The following SUSD4 variants were observed in gnomAD, a reference collection of about 807,000 sequenced individuals.
SUSD4 encodes sushi domain containing 4, also known as sushi domain-containing protein 4.
In SUSD4, 41 loss-of-function variants were observed where a neutral mutation model predicts 50.5. The observed-to-expected ratio is 0.81, with a 90% CI of 0.63 to 1.05. The LOEUF is 1.05. Among genes scored for constraint, SUSD4 ranks in the 50% least tolerant of loss-of-function variants. SUSD4 has a pLI of 0.00. For synonymous variants in SUSD4, 257 were observed against 257.3 expected, an observed-to-expected ratio of 1.00 and a Z score of 0.01; for missense variants, 580 against 634.7, an observed-to-expected ratio of 0.91 and a Z score of 0.93.
intron 5 of SUSD4, among the ~76,000 whole-genome samples, chr1:223,247,296 A>G (rs1332743691): frequency 6.6e-6 from 1 of 152,090 alleles, no homozygotes. Flanking sequence ...GATAACTACT[A>G]CTTTCACGCT....
Position 223,263,683 on chromosome 1 carries a change from G to A in SUSD4, c.724+947C>T, listed in dbSNP as rs373024140. 13 of 985,210 alleles carry A rather than the reference G, an allele frequency of 1.3e-5. No homozygotes were observed. In the East Asian group the frequency reaches 3.4e-4, roughly 26 times the overall value. The allele number at this position is 985,210 out of a possible 1,614,324, so 61.0% of individuals were successfully genotyped here. On this transcript the variant is annotated intron_variant, in intron 5 of 8. Coordinates refer to ENST00000366878, the MANE Select transcript of SUSD4 (RefSeq NM_017982.4). ...CCCACTCCACATCCCTAGAGAGGCC[G>A]TCTCTGATCCTTCTGAGCAATAGTC... is the stretch of plus-strand genomic sequence containing the variant.
chr1:223,358,338 A>G (rs1668782880), intron 2 of SUSD4, among the ~76,000 whole-genome samples: 1 of 152,200 alleles, frequency 6.6e-6, no homozygotes, highest in African/African-American at 2.4e-5. Flanking sequence ...TCGCAGAATC[A>G]AATATTAGTG....
chr1:223,287,399 A>G (rs1664216413), intron 3 of SUSD4, among the ~76,000 whole-genome samples: 2 of 152,168 alleles, frequency 1.3e-5, no homozygotes, highest in South Asian at 4.1e-4. Context: ...TTGAAGGTAC[A>G]TTAAATGTGC....
chr1:223,228,700 G>A (rs1659689504), intron 6 of SUSD4, among the ~76,000 whole-genome samples: 1 of 152,170 alleles, frequency 6.6e-6, no homozygotes, highest in African/African-American at 2.4e-5. Context: ...ATTCTGATAT[G>A]TGTCCTTGAG....
chr1:223,222,353 C>T (rs1373855628), intron 8 of SUSD4, 133 bp from the exon 9 acceptor site: 2 of 792,028 alleles, frequency 2.5e-6, no homozygotes, highest in East Asian at 5.5e-5. Flanking sequence ...TTCCACATAC[C>T]AGTTAATAAC....
intron 5 of SUSD4, among the ~76,000 whole-genome samples, chr1:223,237,678 G>T (rs1442356733): frequency 6.6e-6 from 1 of 151,870 alleles, no homozygotes; most frequent in Non-Finnish European, 1.5e-5. Flanking sequence ...AACCAGCCTG[G>T]CATATCTGGG....
intron 5 of SUSD4, among the ~76,000 whole-genome samples, chr1:223,257,427 G>A (rs1661776653): frequency 6.6e-6 from 1 of 152,152 alleles, no homozygotes; most frequent in Non-Finnish European, 1.5e-5. Context: ...CCCTACTCAA[G>A]GCAGCCTGAT....
intron 3 of SUSD4, among the ~76,000 whole-genome samples, chr1:223,286,794 G>A (rs928074534): frequency 2.0e-5 from 3 of 152,212 alleles, no homozygotes; most frequent in Non-Finnish European, 4.4e-5. Context: ...TGTCTCAAGC[G>A]TGTCATTTGT....
chr1:223,336,055 G>T (rs571369307), intron 2 of SUSD4, among the ~76,000 whole-genome samples: 2 of 152,082 alleles, frequency 1.3e-5, no homozygotes, highest in East Asian at 3.9e-4. Flanking sequence ...TTTGGCCCAG[G>T]AGTAATAAGT....
chr1:223,352,093 A>G (rs964840900), intron 2 of SUSD4, among the ~76,000 whole-genome samples: 1 of 152,196 alleles, frequency 6.6e-6, no homozygotes, highest in South Asian at 2.1e-4. Context: ...ACCACACTAC[A>G]TGGAGGAAAT....
chr1:223,232,651 G>A (rs967249358), intron 5 of SUSD4, among the ~76,000 whole-genome samples: 8 of 152,314 alleles, frequency 5.3e-5, no homozygotes, highest in Admixed American at 3.3e-4. Flanking sequence ...CGAGGCAAAT[G>A]GTCCCATGGT....
intron 2 of SUSD4, among the ~76,000 whole-genome samples, chr1:223,358,142 A>C (rs1668768683): frequency 6.6e-6 from 1 of 152,186 alleles, no homozygotes; most frequent in South Asian, 2.1e-4. Flanking sequence ...TTTTGCATTT[A>C]AACTTTTGAG....
At chr1:223,224,866 T>C (rs1238642017) in intron 7 of SUSD4, among the ~76,000 whole-genome samples, 1 of 132,182 alleles carries the variant, frequency 7.6e-6, no homozygotes, top group African/African-American at 3.1e-5. Context: ...TTCTTCCTTT[T>C]TTTTTTTTTT....
chr1:223,303,442 G>C (rs1393226270), intron 2 of SUSD4, among the ~76,000 whole-genome samples: 1 of 152,210 alleles, frequency 6.6e-6, no homozygotes, highest in Non-Finnish European at 1.5e-5. Flanking sequence ...CTTCCAAAGA[G>C]TGAGCTTACA....
chr1:223,301,938 T>C (rs1440344241), intron 2 of SUSD4, among the ~76,000 whole-genome samples: 5 of 152,124 alleles, frequency 3.3e-5, no homozygotes, highest in Admixed American at 6.5e-5. Flanking sequence ...TGACCTGATA[T>C]GGTTTGGCTC....
At chr1:223,262,505 C>A (rs890009956) in intron 5 of SUSD4, among the ~76,000 whole-genome samples, 2 of 152,168 alleles carry the variant, frequency 1.3e-5, no homozygotes, top group African/African-American at 4.8e-5. Context: ...AAGGCACCAT[C>A]TTTTAAAAAG....
At chr1:223,235,781 G>T (rs1186574967) in intron 5 of SUSD4, among the ~76,000 whole-genome samples, 1 of 152,116 alleles carries the variant, frequency 6.6e-6, no homozygotes, top group Non-Finnish European at 1.5e-5. Context: ...GGACATCTTG[G>T]TTGCTTCTAA....
intron 5 of SUSD4, among the ~76,000 whole-genome samples, chr1:223,241,150 TTA>T (rs1660554225): frequency 6.6e-6 from 1 of 152,172 alleles, no homozygotes; most frequent in Admixed American, 6.5e-5. Context: ...TTGGCTGTGG[TTA>T]GCAAGTTTCC....
intron 5 of SUSD4, among the ~76,000 whole-genome samples, chr1:223,262,738 A>C (rs1662208614): frequency 6.6e-6 from 1 of 152,192 alleles, no homozygotes; most frequent in Non-Finnish European, 1.5e-5. Context: ...CTCACCAACA[A>C]ATGCCATCAG....
Sources: allele counts gnomAD v4.1 joint callset (sites outside exome capture counted in the v4.1 genomes callset), GRCh38; gene constraint gnomAD v4.1.1; transcripts MANE v1.5; gene names NCBI Gene and HGNC (gene_info 2026-07-23, HGNC 2026-07-21).